Variants in IFT88 observed in about 807,000 individuals in gnomAD.
IFT88 encodes intraflagellar transport 88.
IFT88 carries 74 observed loss-of-function variants against 119.5 expected under a neutral mutation model. That is an observed-to-expected ratio of 0.62 (90% CI 0.51 to 0.75). The LOEUF is 0.75. IFT88 is among the 30% of genes least tolerant of loss of function. The pLI, the probability that IFT88 is intolerant of heterozygous loss-of-function variation, is 0.00. For missense variants in IFT88, 961 were observed against 977.7 expected (o/e 0.98, Z 0.23); for synonymous variants, 279 against 316.7 (o/e 0.88, Z 1.26).
chr13:20,572,050 T>A (rs1359261655), intron 1 of IFT88, among the ~76,000 whole-genome samples: 1 of 151,996 alleles, frequency 6.6e-6, no homozygotes, highest in South Asian at 2.1e-4. Flanking sequence ...TTTTTCTGTC[T>A]TGCATTTTTT....
rs113510624 is a variant in IFT88, at chr13:20,640,976, T to A, written c.1574-314T>A. Among the ~76,000 whole-genome samples, 713 of 152,174 alleles carry A rather than the reference T, an allele frequency of 4.7e-3. 10 individuals are homozygous for A. Among genetic ancestry groups the A allele is most frequent in the African/African-American group, 0.016 (677 of 41,508 alleles). ...GCCTGAGCAACATGGCAAAATCCCG[T>A]CTCTACTAAAAATACAAAAAATTAG... On this transcript the variant is annotated intron_variant, in intron 17 of 25. Coordinates refer to ENST00000351808, the MANE Select transcript of IFT88 (RefSeq NM_006531.5).
chr13:20,648,062 GCAAACAAA>G (rs767247181), intron 20 of IFT88, among the ~76,000 whole-genome samples: 1 of 152,102 alleles, frequency 6.6e-6, no homozygotes, highest in Non-Finnish European at 1.5e-5. Context: ...AAATTTAAAA[GCAAACAAA>G]CAAACAAACA....
chr13:20,581,733 G>C (rs1233186425), intron 2 of IFT88, among the ~76,000 whole-genome samples: 2 of 151,696 alleles, frequency 1.3e-5, no homozygotes, highest in Non-Finnish European at 2.9e-5. Context: ...TGTGCCTGTA[G>C]TCCCAGCTCC....
At chr13:20,635,114 A>G (rs910312252) in intron 16 of IFT88, among the ~76,000 whole-genome samples, 4 of 151,972 alleles carry the variant, frequency 2.6e-5, no homozygotes, top group Admixed American at 1.3e-4. Flanking sequence ...CCATGTCCCT[A>G]CAAAGGACAT....
rs371165209 is a variant in IFT88 at position 20,664,897 on chromosome 13, C to G, written c.2175+1293C>G. On this transcript the variant is annotated intron_variant, in intron 23 of 25. Transcript: ENST00000351808. ...GATCGAGACCATCCTGGCTAACACA[C>G]TGAAACTCTGTCTCTACTAAAAATA... 1.6e-3 allele frequency among the ~76,000 whole-genome samples: 242 copies of G among 152,084 alleles called. 2 individuals carry two copies. The South Asian group carries it at 0.02, about 13-fold the overall frequency.
intron 5 of IFT88, 85 bp downstream of exon 5, chr13:20,591,105 T>C: frequency 1.1e-6 from 1 of 873,690 alleles, no homozygotes; most frequent in Non-Finnish European, 1.8e-6. Context: ...TATTATATTA[T>C]TTTAAAATGT....
At chr13:20,569,909 G>A (rs902908325) in intron 1 of IFT88, among the ~76,000 whole-genome samples, 6 of 151,920 alleles carry the variant, frequency 3.9e-5, no homozygotes, top group African/African-American at 1.2e-4. Context: ...GCCGGGCTTG[G>A]TGGCGGGTGC....
intron 13 of IFT88, among the ~76,000 whole-genome samples, chr13:20,607,029 CAG>C (rs972806605): frequency 2.6e-5 from 4 of 152,164 alleles, no homozygotes; most frequent in African/African-American, 7.2e-5. Flanking sequence ...GAATTTATAT[CAG>C]GGGCAGGAAG....
At chr13:20,674,702 T>TTATATATATA (rs1177876016) in intron 24 of IFT88, among the ~76,000 whole-genome samples, 5 of 90,634 alleles carry the variant, frequency 5.5e-5, no homozygotes, top group South Asian at 3.4e-4. Flanking sequence ...AACTGAAGTT[T>TTATATATATA]TATATATATA....
chr13:20,623,538 G>C (rs2046849965), intron 14 of IFT88, among the ~76,000 whole-genome samples: 1 of 152,138 alleles, frequency 6.6e-6, no homozygotes, highest in South Asian at 2.1e-4. Flanking sequence ...GAAGTGTCGT[G>C]ATCTCGGCTC....
chr13:20,568,361 G>A (rs1034650062), intron 1 of IFT88, among the ~76,000 whole-genome samples: 3 of 152,178 alleles, frequency 2.0e-5, no homozygotes, highest in Non-Finnish European at 4.4e-5. Context: ...TATTAGCCAT[G>A]CTTGATTCCC....
intron 17 of IFT88, 23 bp from the exon 18 acceptor site, chr13:20,641,267 C>A (rs751500571): frequency 1.5e-6 from 2 of 1,355,276 alleles, no homozygotes; most frequent in South Asian, 1.3e-5. Flanking sequence ...TATAGATTTT[C>A]TTTTTTTTCT....
chr13:20,611,632 T>C (rs2044554872), intron 13 of IFT88, among the ~76,000 whole-genome samples: 1 of 151,734 alleles, frequency 6.6e-6, no homozygotes, highest in Non-Finnish European at 1.5e-5. Flanking sequence ...TGAGATGGAA[T>C]CTTGCTCTGT....
chr13:20,601,769 A>G lies in IFT88; in HGVS notation c.877A>G (p.Asn293Asp). ...GGCTGGTCAGTATTCAGATGCTATTAATTCATATGAGCACATAATGAGCAT... is the reference window on the plus strand; with the variant it reads ...GGCTGGTCAGTATTCAGATGCTATTGATTCATATGAGCACATAATGAGCAT... ...IQAGQYSDAINSYEHIMSMAP... is the reference protein window; with the variant it reads ...IQAGQYSDAIDSYEHIMSMAP... The change falls in exon 12 of 26, where the codon AAT (asparagine) becomes GAT (aspartate). Residue 293 changes from asparagine (N) to aspartate (D), a missense_variant. By Grantham distance (23) the Asn-to-Asp change is conservative. Coordinates refer to ENST00000351808, the MANE Select transcript of IFT88 (RefSeq NM_006531.5). 6.2e-7 allele frequency: 1 copy of G among 1,613,322 alleles called. No individual in the cohort carries two copies. The highest frequency in any genetic ancestry group is 2.2e-5 in the East Asian group (1 of 44,830).
At chr13:20,596,809 C>G (rs1433859570) in intron 8 of IFT88, among the ~76,000 whole-genome samples, 1 of 152,132 alleles carries the variant, frequency 6.6e-6, no homozygotes, top group Non-Finnish European at 1.5e-5. Flanking sequence ...GCTGCTTTTA[C>G]TACTCATAGA....
chr13:20,614,842 GTC>G (rs2045324814), intron 13 of IFT88, among the ~76,000 whole-genome samples: 2 of 101,654 alleles, frequency 2.0e-5, no homozygotes, highest in African/African-American at 3.0e-5. Flanking sequence ...TTGAGACGGA[GTC>G]TCACTCTATC....
intron 15 of IFT88, among the ~76,000 whole-genome samples, chr13:20,627,983 G>A (rs1452528158): frequency 1.3e-5 from 2 of 151,884 alleles, no homozygotes; most frequent in Admixed American, 1.3e-4. Context: ...CATCATTGCT[G>A]CTTTCACTCT....
At chr13:20,611,390 A>G (rs947473249) in intron 13 of IFT88, among the ~76,000 whole-genome samples, 6 of 151,046 alleles carry the variant, frequency 4.0e-5, no homozygotes, top group African/African-American at 1.5e-4. Context: ...TTAGTCAGAC[A>G]TGGTGATATG....
intron 24 of IFT88, among the ~76,000 whole-genome samples, chr13:20,680,008 A>G (rs2057137423): frequency 6.6e-6 from 1 of 152,186 alleles, no homozygotes; most frequent in South Asian, 2.1e-4. Context: ...ACCAATCAAT[A>G]ATGACTCCAT....
Sources: allele counts gnomAD v4.1 joint callset (sites outside exome capture counted in the v4.1 genomes callset), GRCh38; gene constraint gnomAD v4.1.1; transcripts MANE v1.5; gene names NCBI Gene and HGNC (gene_info 2026-07-23, HGNC 2026-07-21).